The following ADAM9 variants were observed in gnomAD, a reference collection of about 807,000 sequenced individuals.
ADAM9 encodes ADAM metallopeptidase domain 9.
Under a neutral mutation model 108.1 loss-of-function variants are expected in ADAM9, and 54 were observed. The observed-to-expected ratio is 0.50, with a 90% CI of 0.40 to 0.63. The LOEUF is 0.63. ADAM9 is among the 20% of genes least tolerant of loss of function. The probability of loss-of-function intolerance (pLI) is 0.00; values close to 1 mark genes in which losing one functional copy is unlikely to be tolerated. For missense variants in ADAM9, 830 were observed against 997.7 expected, an observed-to-expected ratio of 0.83 and a Z score of 2.26; for synonymous variants, 316 against 336.0, an observed-to-expected ratio of 0.94 and a Z score of 0.65.
intron 9 of ADAM9, among the ~76,000 whole-genome samples, chr8:39,023,740 G>GTTTTTTTTTTTT (rs869059346): frequency 2.5e-5 from 2 of 78,900 alleles, no homozygotes; most frequent in African/African-American, 5.3e-5. Flanking sequence ...TTTTGCGTTT[G>GTTTTTTTTTTTT]TTTTTTTTTT....
At chr8:39,032,413 C>T (rs1369229717) in intron 11 of ADAM9, among the ~76,000 whole-genome samples, 2 of 152,272 alleles carry the variant, frequency 1.3e-5, no homozygotes, top group Non-Finnish European at 2.9e-5. Context: ...TGCTGCCTCA[C>T]AGGTCAATCT....
intron 16 of ADAM9, among the ~76,000 whole-genome samples, chr8:39,080,501 G>A (rs553811054): frequency 7.9e-5 from 12 of 152,230 alleles, no homozygotes; most frequent in Admixed American, 2.0e-4. Flanking sequence ...CTGACATGCC[G>A]TTGAGACCAT....
intron 16 of ADAM9, among the ~76,000 whole-genome samples, chr8:39,079,450 G>A (rs1384227629): frequency 6.6e-6 from 1 of 151,898 alleles, no homozygotes; most frequent in Admixed American, 6.6e-5. Context: ...ATTTTTTTCT[G>A]AGAAGTTCAT....
intron 9 of ADAM9, among the ~76,000 whole-genome samples, chr8:39,024,176 G>A (rs1286697623): frequency 6.6e-6 from 1 of 152,050 alleles, no homozygotes; most frequent in Admixed American, 6.6e-5. Flanking sequence ...GTTTTTCCCC[G>A]TCACTGGAAA....
Position 39,041,942 on chromosome 8 carries a change from A to G in ADAM9, c.1131-4A>G, listed in dbSNP as rs1837467159. 8 of 1,613,578 alleles carry G rather than the reference A, an allele frequency of 5.0e-6. No individual in the cohort carries two copies. Among genetic ancestry groups the G allele is most frequent in the Non-Finnish European group, 6.8e-6 (8 of 1,179,562 alleles). ...ATAGATCTTTTTCTTAATGTTTATTATAGGGGTTCCAGAAACTTTAGCAGT... is the reference window on the plus strand; with the variant it reads ...ATAGATCTTTTTCTTAATGTTTATTGTAGGGGTTCCAGAAACTTTAGCAGT... On this transcript the variant is annotated splice_polypyrimidine_tract_variant and splice_region_variant and intron_variant, in intron 11 of 21. Coordinates refer to ENST00000487273, the MANE Select transcript of ADAM9 (RefSeq NM_003816.3).
intron 1 of ADAM9, among the ~76,000 whole-genome samples, chr8:39,005,108 A>G (rs1050550506): frequency 6.6e-6 from 1 of 152,120 alleles, no homozygotes; most frequent in Non-Finnish European, 1.5e-5. Flanking sequence ...TCATCCTTTT[A>G]CATGGGAACC....
chr8:39,013,995 T>A lies in ADAM9; in HGVS notation c.285T>A (p.Tyr95Ter). The change falls in exon 4 of 22, where the codon TAT becomes TAA. Residue 95 changes from tyrosine to a stop codon, truncating the protein, a stop_gained. Coordinates refer to ENST00000487273, the MANE Select transcript of ADAM9 (RefSeq NM_003816.3). LOFTEE classifies it high-confidence loss of function. Reference protein sequence around the residue: ...KDLLPEDFVVYTYNKEGTLIT... With the variant: ...KDLLPEDFVV ...TTTTGCCTGAAGATTTTGTGGTTTATACTTACAACAAGGAAGGGACTTTAA... is the reference window on the plus strand; with the variant it reads ...TTTTGCCTGAAGATTTTGTGGTTTAAACTTACAACAAGGAAGGGACTTTAA... 1 of 1,613,728 alleles carries A rather than the reference T, an allele frequency of 6.2e-7. No individual in the cohort carries two copies. Among genetic ancestry groups the A allele is most frequent in the Non-Finnish European group, 8.5e-7 (1 of 1,179,710 alleles).
At position 39,018,937 on chromosome 8, in the gene ADAM9, TTTC is replaced by T. The variant is rs929745090; in HGVS notation, c.672+25_672+27del. The T allele has an allele frequency of 6.2e-7, 1 of 1,611,162 alleles. No homozygotes were observed. The highest frequency in any genetic ancestry group is 1.3e-5 in the African/African-American group (1 of 74,862). On this transcript the variant is annotated intron_variant, in intron 7 of 21. Transcript: ENST00000487273. ...GGAAAGGGTAAGATTGGTGACAATT[TTTC>T]TTCTTTTCCATGAAAAGGATATGAG...
intron 14 of ADAM9, among the ~76,000 whole-genome samples, chr8:39,055,994 A>G (rs901696457): frequency 5.3e-5 from 8 of 152,042 alleles, no homozygotes; most frequent in Admixed American, 1.3e-4. Flanking sequence ...TATTTTGTGT[A>G]TCACGCACAC....
chr8:39,057,532 G>A (rs1266691842), intron 14 of ADAM9, among the ~76,000 whole-genome samples: 1 of 152,058 alleles, frequency 6.6e-6, no homozygotes, highest in African/African-American at 2.4e-5. Context: ...AGATCTGCAG[G>A]GAGAGTCAGC....
chr8:39,045,366 GTGTGTACATACACCTATAGGT>G (rs1564300899), intron 12 of ADAM9, among the ~76,000 whole-genome samples: 3 of 118,098 alleles, frequency 2.5e-5, no homozygotes, highest in Admixed American at 8.0e-5. Flanking sequence ...ACATATAGGT[GTGTGTACATACACCTATAGGT>G]GTGTGTACAC....
chr8:39,045,540 ATATATGTGTGTGTG>A (rs1212711188), intron 12 of ADAM9, among the ~76,000 whole-genome samples: 2 of 122,908 alleles, frequency 1.6e-5, no homozygotes, highest in South Asian at 2.6e-4. Context: ...ATATGTGTGT[ATATATGTGTGTGTG>A]TATATGTGTG....
Position 39,091,317 on chromosome 8 carries a change from G to A in ADAM9, c.2269G>A (p.Val757Ile), listed in dbSNP as rs1839347401. Residue 757 changes from valine to isoleucine, a missense_variant, in exon 20 of 22, where the codon GTT (valine) becomes ATT (isoleucine). Physicochemically the swap from Val to Ile is conservative, Grantham distance 29. Coordinates refer to ENST00000487273, the MANE Select transcript of ADAM9 (RefSeq NM_003816.3). Reference sequence around the variant, plus strand: ...ACAGCCGGGGAGTGTTCCTCGACATGTTTCTCCAGTGACACCTCCCAGAGA... The same window carrying A: ...ACAGCCGGGGAGTGTTCCTCGACATATTTCTCCAGTGACACCTCCCAGAGA... ...SRQPGSVPRH[V>I]SPVTPPREVP... is the part of the protein sequence containing the mutation. 3 of 1,613,956 alleles carry A rather than the reference G, an allele frequency of 1.9e-6. No homozygotes were observed. Among genetic ancestry groups the A allele is most frequent in the African/African-American group, 2.7e-5 (2 of 74,902 alleles).
chr8:39,060,371 G>T (rs1342752437), intron 14 of ADAM9, among the ~76,000 whole-genome samples: 1 of 152,180 alleles, frequency 6.6e-6, no homozygotes, highest in African/African-American at 2.4e-5. Context: ...TGGACCTATT[G>T]CAGAGTTTCT....
intron 14 of ADAM9, among the ~76,000 whole-genome samples, chr8:39,070,951 G>A (rs1838665326): frequency 6.6e-6 from 1 of 152,146 alleles, no homozygotes. Flanking sequence ...GGTGCAGTTG[G>A]TTTATATGTG....
chr8:39,059,866 C>T lies in ADAM9; in HGVS notation c.1591+4094C>T, dbSNP rs62504422. On this transcript the variant is annotated intron_variant, in intron 14 of 21. Coordinates refer to ENST00000487273, the MANE Select transcript of ADAM9 (RefSeq NM_003816.3). Reference sequence around the variant, plus strand: ...GTCACCTGATGGGTAGGAAGTTCCCCGTGAGGTCATAGTTGCTGGCTAGGA... The same window carrying T: ...GTCACCTGATGGGTAGGAAGTTCCCTGTGAGGTCATAGTTGCTGGCTAGGA... 3.1e-3 allele frequency among the ~76,000 whole-genome samples: 469 copies of T among 152,310 alleles called. 1 individual carries two copies. The highest frequency in any genetic ancestry group is 0.017 in the Middle Eastern group (5 of 294).
At position 39,045,079 on chromosome 8, in the gene ADAM9, TGTGC is replaced by T. The variant is rs1300335624; in HGVS notation, c.1302+2963_1302+2966del. On this transcript the variant is annotated intron_variant, in intron 12 of 21. Transcript: ENST00000487273. ...GTGTGTGCATACATACATATGTGTG[TGTGC>T]ATACATACATATGTGTGTGTGCATA... Among the ~76,000 whole-genome samples, 48 of 24,922 alleles carry T rather than the reference TGTGC, an allele frequency of 1.9e-3. 10 individuals carry two copies. In the East Asian group the frequency reaches 0.079, roughly 41 times the overall value. The allele number at this position is 24,922 out of a possible 152,430, so 16.3% of individuals were successfully genotyped here. A position where few individuals can be genotyped will look rare whatever the true frequency, so the allele number is the denominator to read the frequency against.
chr8:39,030,673 A>G (rs1339988210), intron 11 of ADAM9, among the ~76,000 whole-genome samples: 1 of 150,352 alleles, frequency 6.7e-6, no homozygotes, highest in African/African-American at 2.4e-5. Context: ...GAAACTGCCA[A>G]ATTGTCTTCC....
At chr8:39,091,738 T>A (rs958585308) in intron 20 of ADAM9, among the ~76,000 whole-genome samples, 3 of 152,146 alleles carry the variant, frequency 2.0e-5, no homozygotes, top group Admixed American at 6.5e-5. Flanking sequence ...CCACCCGCCT[T>A]GGCCTCCCAA....
Sources: allele counts gnomAD v4.1 joint callset (sites outside exome capture counted in the v4.1 genomes callset), GRCh38; gene constraint gnomAD v4.1.1; transcripts MANE v1.5; gene names NCBI Gene and HGNC (gene_info 2026-07-23, HGNC 2026-07-21).